AGTPBP1: variants seen among roughly 807,000 people sequenced by gnomAD.
AGTPBP1 encodes ATP/GTP binding carboxypeptidase 1.
Under a neutral mutation model 143.9 loss-of-function variants are expected in AGTPBP1, and 70 were observed. The observed-to-expected ratio is 0.49, with a 90% CI of 0.40 to 0.59. The LOEUF (loss-of-function observed/expected upper bound fraction) is 0.59. Among genes scored for constraint, AGTPBP1 ranks in the 20% least tolerant of loss-of-function variants. The probability of loss-of-function intolerance (pLI) is 0.00; values close to 1 mark genes in which losing one functional copy is unlikely to be tolerated. For missense variants in AGTPBP1, 1,229 were observed against 1,464.5 expected (o/e 0.84, Z 2.62); for synonymous variants, 463 against 500.2 (o/e 0.93, Z 0.99).
chr9:85,620,350 GT>G (rs1369982254), intron 15 of AGTPBP1, among the ~76,000 whole-genome samples: 14 of 150,392 alleles, frequency 9.3e-5, no homozygotes, highest in Admixed American at 4.6e-4. Context: ...AGAGGCAGAG[GT>G]TACAGTGGGC....
chr9:85,595,524 TTTTATTTA>T (rs372918382), intron 18 of AGTPBP1, among the ~76,000 whole-genome samples: 1 of 152,100 alleles, frequency 6.6e-6, no homozygotes, highest in East Asian at 1.9e-4. Flanking sequence ...CACTTATTTA[TTTTATTTA>T]TTTATTTATT....
At chr9:85,784,827 G>A in the AGTPBP1 span, among the ~76,000 whole-genome samples, 1 of 152,312 alleles carries the variant, frequency 6.6e-6, no homozygotes, top group East Asian at 1.9e-4. Flanking sequence ...ATGGTCAGTG[G>A]CAACGGTGTT....
intron 18 of AGTPBP1, among the ~76,000 whole-genome samples, chr9:85,595,045 A>C (rs902119590): frequency 2.0e-5 from 3 of 152,208 alleles, no homozygotes; most frequent in African/African-American, 7.2e-5. Flanking sequence ...AAGAAATACA[A>C]GATGTATTAT....
At chr9:85,670,206 A>G (rs536302135) in intron 7 of AGTPBP1, among the ~76,000 whole-genome samples, 1 of 152,332 alleles carries the variant, frequency 6.6e-6, no homozygotes, top group South Asian at 2.1e-4. Flanking sequence ...GAGCAGTTAC[A>G]TAATGTTAAA....
chr9:85,646,282 CATTT>C, intron 12 of AGTPBP1, 35 bp downstream of exon 12: 1 of 1,469,776 alleles, frequency 6.8e-7, no homozygotes. Flanking sequence ...TGTAGTATAT[CATTT>C]ATAAAGCTAA....
At chr9:85,756,170 C>T in the AGTPBP1 span, 105 of 1,612,110 alleles carry the variant, frequency 6.5e-5, no homozygotes, top group Admixed American at 6.2e-4. Context: ...CTTAAAGAAA[C>T]GGGAGGCCAT....
At chr9:85,567,492 T>G (rs11141022) in intron 25 of AGTPBP1, among the ~76,000 whole-genome samples, 2,811 of 152,232 alleles carry the variant, frequency 0.018, 98 homozygotes, top group African/African-American at 0.064. Flanking sequence ...CTAGGGAGGC[T>G]GAGGCAGAAG....
intron 1 of AGTPBP1, among the ~76,000 whole-genome samples, chr9:85,721,145 G>C (rs1838085355): frequency 6.6e-6 from 1 of 152,216 alleles, no homozygotes; most frequent in Admixed American, 6.5e-5. Context: ...ATATTCCGTT[G>C]ATTTGGGATA....
Position 85,633,093 on chromosome 9 carries a change from A to T in AGTPBP1, c.1584T>A (p.Asn528Lys), listed in dbSNP as rs1193109039. ...TTCGGTCCAAGGCCTTTACAATATCATTGTTTAAACCATGGACTGATGAAA... is the reference window on the plus strand; with the variant it reads ...TTCGGTCCAAGGCCTTTACAATATCTTTGTTTAAACCATGGACTGATGAAA... Reference protein sequence around the residue: ...RTISSVHGLNNDIVKALDRIT... With the variant: ...RTISSVHGLNKDIVKALDRIT... The change falls in exon 14 of 26, where the codon AAT becomes AAA. Residue 528 changes from asparagine (N) to lysine (K), a missense_variant. Physicochemically the swap from Asn to Lys is moderately conservative, Grantham distance 94. Transcript: ENST00000357081. The T allele has an allele frequency of 6.2e-7, 1 of 1,613,702 alleles. No homozygotes were observed. Among genetic ancestry groups the T allele is most frequent in the Non-Finnish European group, 8.5e-7 (1 of 1,179,682 alleles).
intron 3 of AGTPBP1, among the ~76,000 whole-genome samples, chr9:85,682,716 GAAC>G (rs1049772410): frequency 6.6e-6 from 1 of 152,144 alleles, no homozygotes; most frequent in African/African-American, 2.4e-5. Flanking sequence ...TTTAAGAGAA[GAAC>G]AACAGATAGT....
intron 3 of AGTPBP1, among the ~76,000 whole-genome samples, chr9:85,692,458 A>G (rs112669606): frequency 0.015 from 2,349 of 151,744 alleles, 21 homozygotes; most frequent in Non-Finnish European, 0.022. Context: ...ATTTTTTAGT[A>G]GAGACGGGGT....
intron 11 of AGTPBP1, among the ~76,000 whole-genome samples, chr9:85,654,794 G>A (rs905270249): frequency 4.6e-5 from 7 of 151,324 alleles, no homozygotes; most frequent in Non-Finnish European, 5.9e-5. Flanking sequence ...AGTGAGCCGA[G>A]ATTGCACCAC....
upstream of AGTPBP1, among the ~76,000 whole-genome samples, chr9:85,743,658 A>G (rs992666304): frequency 2.0e-5 from 3 of 152,282 alleles, no homozygotes; most frequent in South Asian, 4.1e-4. Flanking sequence ...TTTGCAAGAT[A>G]CTTTGAGAGC....
At chr9:85,694,428 C>T (rs1329993921) in intron 2 of AGTPBP1, among the ~76,000 whole-genome samples, 1 of 152,166 alleles carries the variant, frequency 6.6e-6, no homozygotes, top group African/African-American at 2.4e-5. Flanking sequence ...TCCCCACAGA[C>T]TGTTCACTTT....
intron 9 of AGTPBP1, 42 bp from the exon 10 acceptor site, chr9:85,657,685 C>T (rs374483468): frequency 6.5e-5 from 95 of 1,451,490 alleles, no homozygotes; most frequent in Middle Eastern, 1.8e-4. Context: ...TTTTAAATGA[C>T]GAGAGTGAGT....
intron 7 of AGTPBP1, 58 bp downstream of exon 7, chr9:85,672,492 A>T: frequency 6.4e-7 from 1 of 1,559,830 alleles, no homozygotes; most frequent in East Asian, 2.3e-5. Flanking sequence ...GATACTTTAA[A>T]ATTCTTTTTG....
intron 25 of AGTPBP1, among the ~76,000 whole-genome samples, chr9:85,561,675 G>A (rs1160586846): frequency 6.6e-6 from 1 of 152,000 alleles, no homozygotes; most frequent in Non-Finnish European, 1.5e-5. Context: ...TGCGTGGTGA[G>A]AGCTAATGAC....
At chr9:85,655,682 G>GA (rs1833454967) in intron 10 of AGTPBP1, among the ~76,000 whole-genome samples, 1 of 98,818 alleles carries the variant, frequency 1.0e-5, no homozygotes, top group African/African-American at 5.2e-5. Context: ...AAAGGTGTAA[G>GA]AAATTAAAAA....
chr9:85,586,773 ATTAAAAATGATAT>A (rs1204631484), intron 22 of AGTPBP1, 45 bp downstream of exon 22: 2 of 1,569,636 alleles, frequency 1.3e-6, no homozygotes, highest in Non-Finnish European at 1.7e-6. Flanking sequence ...GTGCTTGATA[ATTAAAAATGATAT>A]TTTATCTTTG....
Sources: allele counts gnomAD v4.1 joint callset (sites outside exome capture counted in the v4.1 genomes callset), GRCh38; gene constraint gnomAD v4.1.1; transcripts MANE v1.5; gene names NCBI Gene and HGNC (gene_info 2026-07-23, HGNC 2026-07-21).